ATXN7L1: variants seen among roughly 807,000 people sequenced by gnomAD.
ATXN7L1 encodes ataxin 7 like 1.
Under a neutral mutation model 70.8 loss-of-function variants are expected in ATXN7L1, and 15 were observed. That is an observed-to-expected ratio of 0.21 (90% CI 0.14 to 0.33). The LOEUF (loss-of-function observed/expected upper bound fraction) is 0.33. Among genes scored for constraint, ATXN7L1 ranks in the 10% least tolerant of loss-of-function variants. The probability of loss-of-function intolerance (pLI) is 1.00; values close to 1 mark genes in which losing one functional copy is unlikely to be tolerated. For missense variants in ATXN7L1, 975 were observed against 1,097.1 expected (o/e 0.89, Z 1.57); for synonymous variants, 440 against 445.1 (o/e 0.99, Z 0.14).
chr7:105,734,943 C>G (rs59812837), intron 3 of ATXN7L1, among the ~76,000 whole-genome samples: 2,865 of 152,238 alleles, frequency 0.019, 98 homozygotes, highest in African/African-American at 0.064. Flanking sequence ...CTGGAACTTT[C>G]TAGCCTCCAC....
intron 3 of ATXN7L1, among the ~76,000 whole-genome samples, chr7:105,733,932 T>TCATC (rs76828507): frequency 0.048 from 4,674 of 96,670 alleles, 187 homozygotes; most frequent in African/African-American, 0.058. Flanking sequence ...CCATCATCCA[T>TCATC]CATCCATCCA....
intron 3 of ATXN7L1, among the ~76,000 whole-genome samples, chr7:105,736,468 T>A (rs189084642): frequency 6.6e-6 from 1 of 152,324 alleles, no homozygotes; most frequent in Non-Finnish European, 1.5e-5. Context: ...GGTTTGTTCC[T>A]GGCTAGGTCT....
chr7:105,662,082 C>G (rs1801775309), intron 4 of ATXN7L1, among the ~76,000 whole-genome samples: 1 of 78,820 alleles, frequency 1.3e-5, no homozygotes, highest in African/African-American at 3.8e-5. Context: ...TTCCTTCCTT[C>G]TTTCTTTTCT....
intron 3 of ATXN7L1, among the ~76,000 whole-genome samples, chr7:105,775,903 C>T (rs374421945): frequency 1.8e-3 from 274 of 152,098 alleles, no homozygotes; most frequent in Non-Finnish European, 2.3e-3. Flanking sequence ...CTTTAATGTG[C>T]TAATAGCTGC....
At chr7:105,796,830 T>A (rs1359755118) in intron 2 of ATXN7L1, among the ~76,000 whole-genome samples, 2 of 152,198 alleles carry the variant, frequency 1.3e-5, no homozygotes, top group Non-Finnish European at 2.9e-5. Context: ...ACAGAATGAT[T>A]TTATTTGTTC....
intron 3 of ATXN7L1, among the ~76,000 whole-genome samples, chr7:105,668,062 G>A (rs967471930): frequency 1.3e-5 from 2 of 152,028 alleles, no homozygotes; most frequent in Non-Finnish European, 2.9e-5. Flanking sequence ...ATGAAGATAC[G>A]TTTATTTTGC....
intron 9 of ATXN7L1, among the ~76,000 whole-genome samples, chr7:105,617,292 G>A (rs562086592): frequency 2.0e-4 from 31 of 152,286 alleles, no homozygotes; most frequent in African/African-American, 7.2e-4. Flanking sequence ...CCAAAGTGCT[G>A]GGATTACAGG....
At chr7:105,794,232 G>A (rs1805673392) in intron 2 of ATXN7L1, among the ~76,000 whole-genome samples, 1 of 152,108 alleles carries the variant, frequency 6.6e-6, no homozygotes, top group Non-Finnish European at 1.5e-5. Context: ...GAGTTAAGTT[G>A]GGATTTAAAG....
At chr7:105,718,974 C>A (rs981304153) in intron 3 of ATXN7L1, among the ~76,000 whole-genome samples, 1 of 152,100 alleles carries the variant, frequency 6.6e-6, no homozygotes, top group Non-Finnish European at 1.5e-5. Flanking sequence ...GAACAGCAGC[C>A]GGGAAGCAAG....
intron 2 of ATXN7L1, among the ~76,000 whole-genome samples, chr7:105,799,777 G>A (rs1806541458): frequency 6.6e-6 from 1 of 152,150 alleles, no homozygotes. Context: ...ACTGTGTAAT[G>A]TCCCTGGGAA....
intron 3 of ATXN7L1, among the ~76,000 whole-genome samples, chr7:105,696,911 C>T (rs765684962): frequency 9.9e-5 from 15 of 152,098 alleles, no homozygotes; most frequent in Non-Finnish European, 1.9e-4. Context: ...TAAAGCTGGG[C>T]GTCCGGGGGA....
intron 3 of ATXN7L1, among the ~76,000 whole-genome samples, chr7:105,711,670 C>T (rs1282752774): frequency 6.6e-6 from 1 of 152,254 alleles, no homozygotes; most frequent in Non-Finnish European, 1.5e-5. Flanking sequence ...GCTTGGGCAG[C>T]TCTGCCCTGG....
intron 3 of ATXN7L1, among the ~76,000 whole-genome samples, chr7:105,686,766 A>G (rs1160434570): frequency 6.6e-6 from 1 of 152,204 alleles, no homozygotes; most frequent in Non-Finnish European, 1.5e-5. Flanking sequence ...AATGCATGTC[A>G]CTTCTGTACC....
intron 2 of ATXN7L1, among the ~76,000 whole-genome samples, chr7:105,873,517 C>A (rs879510471): frequency 2.0e-5 from 3 of 152,172 alleles, no homozygotes; most frequent in African/African-American, 4.8e-5. Flanking sequence ...AATTTCTCAC[C>A]ATGGGGGAAT....
chr7:105,811,230 T>A (rs946119904), intron 2 of ATXN7L1, among the ~76,000 whole-genome samples: 1 of 152,012 alleles, frequency 6.6e-6, no homozygotes, highest in Non-Finnish European at 1.5e-5. Flanking sequence ...CTGGAGATGA[T>A]GTGAAGGTGG....
At chr7:105,634,320 C>T (rs1478380270) in intron 7 of ATXN7L1, among the ~76,000 whole-genome samples, 1 of 152,206 alleles carries the variant, frequency 6.6e-6, no homozygotes, top group Non-Finnish European at 1.5e-5. Context: ...CAGAGAAAAT[C>T]CCACCTTACC....
chr7:105,825,679 C>T (rs1015130365), intron 2 of ATXN7L1, among the ~76,000 whole-genome samples: 30 of 151,592 alleles, frequency 2.0e-4, no homozygotes, highest in African/African-American at 6.5e-4. Flanking sequence ...GTATAGATGC[C>T]TCTCACTATC....
At chr7:105,710,851 G>A (rs969483178) in intron 3 of ATXN7L1, among the ~76,000 whole-genome samples, 3 of 152,138 alleles carry the variant, frequency 2.0e-5, no homozygotes, top group Admixed American at 6.5e-5. Flanking sequence ...AGACATACCC[G>A]AGACTGGGCA....
At chr7:105,870,315 A>T (rs953739362) in intron 2 of ATXN7L1, among the ~76,000 whole-genome samples, 2 of 152,088 alleles carry the variant, frequency 1.3e-5, no homozygotes, top group Admixed American at 1.3e-4. Context: ...TATCCATAGA[A>T]ATTGTTTCTT....
Sources: gnomAD v4.1 joint callset for allele counts (sites outside exome capture counted in the v4.1 genomes callset) on GRCh38, gnomAD v4.1.1 for gene constraint, MANE v1.5 for transcripts, NCBI Gene and HGNC (gene_info 2026-07-23, HGNC 2026-07-21) for gene names.